The following TRMT1L variants were observed in gnomAD, a reference collection of about 807,000 sequenced individuals.
The protein encoded by TRMT1L is tRNA (guanine(27)-N(2))-dimethyltransferase.
A neutral mutation model predicts 81.6 loss-of-function variants in TRMT1L; 28 were observed. The observed-to-expected ratio is 0.34, with a 90% CI of 0.25 to 0.47. The LOEUF (loss-of-function observed/expected upper bound fraction) is 0.47. TRMT1L is among the 20% of genes least tolerant of loss of function. The pLI, the probability that TRMT1L is intolerant of heterozygous loss-of-function variation, is 1.00. For missense variants in TRMT1L, 739 were observed against 877.1 expected (o/e 0.84, Z 1.99); for synonymous variants, 301 against 303.2 (o/e 0.99, Z 0.07).
At chr1:185,152,509 T>A (rs1653388651) in intron 1 of TRMT1L, among the ~76,000 whole-genome samples, 1 of 152,236 alleles carries the variant, frequency 6.6e-6, no homozygotes, top group African/African-American at 2.4e-5. Context: ...GCAAGTTAGT[T>A]TGAACTTTAT....
Position 185,119,865 on chromosome 1 carries a change from A to T in TRMT1L, c.*154T>A. The T allele has an allele frequency of 2.1e-6, 2 of 938,888 alleles. No homozygotes were observed. Among genetic ancestry groups the T allele is most frequent in the Non-Finnish European group, 3.0e-6 (2 of 665,504 alleles). The allele number at this position is 938,888 out of a possible 1,614,324, so 58.2% of individuals were successfully genotyped here. On this transcript the variant is annotated 3_prime_UTR_variant, in exon 15 of 15. Coordinates refer to ENST00000367506, the MANE Select transcript of TRMT1L (RefSeq NM_030934.5). ...ACTTGGAAAGCAAAGCTCCCAAACC[A>T]GCTAAGTTAGAAACTGCTCAGTTTC...
At chr1:185,151,216 T>G (rs1355361858) in intron 2 of TRMT1L, among the ~76,000 whole-genome samples, 1 of 152,182 alleles carries the variant, frequency 6.6e-6, no homozygotes, top group Non-Finnish European at 1.5e-5. Context: ...CAAGAATCAT[T>G]AATAACTCAT....
chr1:185,142,212 G>GTC (rs1411707094), intron 7 of TRMT1L, among the ~76,000 whole-genome samples: 12 of 152,126 alleles, frequency 7.9e-5, no homozygotes, highest in Non-Finnish European at 7.3e-5. Flanking sequence ...AGTAGCAGTA[G>GTC]TCTCCTCTTT....
chr1:185,156,834 C>T lies in TRMT1L; in HGVS notation c.-122G>A. The T allele has an allele frequency of 1.5e-6, 2 of 1,339,756 alleles. No homozygotes were observed. The highest frequency in any genetic ancestry group is 1.0e-6 in the Non-Finnish European group (1 of 992,690). The allele number at this position is 1,339,756 out of a possible 1,614,324, so 83.0% of individuals were successfully genotyped here. On this transcript the variant is annotated 5_prime_UTR_variant, in exon 1 of 15. Transcript: ENST00000367506. ...GGAGTGGGGAAGCAAGTGGGGAGGG[C>T]GGGATGCGTGCAACAGACAAAAGAT...
At chr1:185,154,672 C>A (rs570442528) in intron 1 of TRMT1L, among the ~76,000 whole-genome samples, 73 of 152,252 alleles carry the variant, frequency 4.8e-4, no homozygotes, top group African/African-American at 1.7e-3. Flanking sequence ...GAGAAAGGAG[C>A]TTGGTTAAGT....
rs1194131367 is a variant in TRMT1L, at chr1:185,119,515, T to C, written c.*504A>G. 6.6e-6 allele frequency: 1 copy of C among 152,168 alleles called. No individual in the cohort carries two copies. Among genetic ancestry groups the C allele is most frequent in the African/African-American group, 2.4e-5 (1 of 41,444 alleles). The allele number at this position is 152,168 out of a possible 1,614,324, so 9.4% of individuals were successfully genotyped here. On this transcript the variant is annotated 3_prime_UTR_variant, in exon 15 of 15. Transcript: ENST00000367506. The stretch of plus-strand genomic sequence containing the variant: ...AGAAGTATGATTTCTTAAAAATGGG[T>C]ACATATTTTAGTTTTTTAATTGTGA...
At position 185,128,738 on chromosome 1, in the gene TRMT1L, T is replaced by C. The variant is rs1652696010; in HGVS notation, c.1523A>G (p.Tyr508Cys). ...KDGNMVEENP[Y>C]RQLPCNCHGS... Reference sequence around the variant, plus strand: ...ATGACAGTTACAAGGCAGCTGTCTATATGGGTTTTCTGTAAAAAGATAATA... The same window carrying C: ...ATGACAGTTACAAGGCAGCTGTCTACATGGGTTTTCTGTAAAAAGATAATA... The change falls in exon 11 of 15, where the codon TAT becomes TGT. Residue 508 changes from tyrosine (Y) to cysteine (C), a missense_variant. Physicochemically the swap from Tyr to Cys is radical, Grantham distance 194 (BLOSUM62 -2). Coordinates refer to ENST00000367506, the MANE Select transcript of TRMT1L (RefSeq NM_030934.5). The C allele has an allele frequency of 1.2e-6, 2 of 1,603,430 alleles. No homozygotes were observed. Among genetic ancestry groups the C allele is most frequent in the Non-Finnish European group, 8.5e-7 (1 of 1,177,520 alleles).
chr1:185,140,494 A>G (rs1017283080), intron 7 of TRMT1L, among the ~76,000 whole-genome samples: 2 of 152,070 alleles, frequency 1.3e-5, no homozygotes, highest in African/African-American at 4.8e-5. Flanking sequence ...TGAATAGTGG[A>G]AAATGTTTTC....
At chr1:185,125,948 A>G (rs1017437567) in intron 11 of TRMT1L, among the ~76,000 whole-genome samples, 2 of 152,144 alleles carry the variant, frequency 1.3e-5, no homozygotes, top group Non-Finnish European at 2.9e-5. Context: ...TATGAGAATT[A>G]TATGTGGTGA....
At chr1:185,127,524 G>A (rs1232920797) in intron 11 of TRMT1L, among the ~76,000 whole-genome samples, 2 of 151,946 alleles carry the variant, frequency 1.3e-5, no homozygotes, top group Admixed American at 6.6e-5. Context: ...TTGGGAGGCC[G>A]AGGCGGGTGG....
chr1:185,130,549 C>T (rs1250916750), intron 10 of TRMT1L, among the ~76,000 whole-genome samples: 1 of 152,068 alleles, frequency 6.6e-6, no homozygotes, highest in Non-Finnish European at 1.5e-5. Context: ...GTTTTGGGAC[C>T]CTGCGACGGC....
chr1:185,123,137 A>G (rs1478456710), intron 13 of TRMT1L, among the ~76,000 whole-genome samples: 1 of 152,212 alleles, frequency 6.6e-6, no homozygotes, highest in African/African-American at 2.4e-5. Context: ...TATTTAAACT[A>G]TATACTATTA....
intron 1 of TRMT1L, among the ~76,000 whole-genome samples, chr1:185,153,766 A>G (rs76377915): frequency 2.0e-5 from 3 of 152,204 alleles, no homozygotes; most frequent in African/African-American, 4.8e-5. Context: ...GGAGAAACTG[A>G]TATGTAAAGA....
Position 185,123,876 on chromosome 1 carries a change from T to C in TRMT1L, c.1803A>G (p.Thr601=). The change falls in exon 13 of 15, where the codon ACA becomes ACG. Residue 601 remains threonine (T), a synonymous_variant. Transcript: ENST00000367506. Reference sequence around the variant, plus strand: ...ACATACCTTGTGCAATGTAATTATCTGTTGTGGTGTCATCTGTAGTTTTAA... The same window carrying C: ...ACATACCTTGTGCAATGTAATTATCCGTTGTGGTGTCATCTGTAGTTTTAA... ...VFIKTTDDTT[T]DNYIAQGKRK... The C allele has an allele frequency of 6.6e-7, 1 of 1,514,366 alleles. No homozygotes were observed. The highest frequency in any genetic ancestry group is 8.8e-7 in the Non-Finnish European group (1 of 1,130,940). The allele number at this position is 1,514,366 out of a possible 1,614,324, so 93.8% of individuals were successfully genotyped here. A position where few individuals can be genotyped will look rare whatever the true frequency, so the allele number is the denominator to read the frequency against.
chr1:185,128,577 A>T, intron 11 of TRMT1L, 92 bp downstream of exon 11: 1 of 1,207,420 alleles, frequency 8.3e-7, no homozygotes. Flanking sequence ...ATTGAATTTA[A>T]ATTTGTCTTT....
chr1:185,118,404 A>G lies in TRMT1L; in HGVS notation c.*1615T>C, dbSNP rs1468749275. ...AATTAGGATCTTTGCATTAAGCCCA[A>G]CTCATCACTGATCAACATATTTCAT... On this transcript the variant is annotated 3_prime_UTR_variant, in exon 15 of 15. Transcript: ENST00000367506. 1 of 152,150 alleles carries G rather than the reference A, an allele frequency of 6.6e-6. No individual in the cohort carries two copies. Among genetic ancestry groups the G allele is most frequent in the African/African-American group, 2.4e-5 (1 of 41,442 alleles). 9.4% of individuals were successfully genotyped at this position (152,150 alleles called of 1,614,324 possible). A position where few individuals can be genotyped will look rare whatever the true frequency, so the allele number is the denominator to read the frequency against.
chr1:185,140,991 A>G (rs527725142), intron 7 of TRMT1L, among the ~76,000 whole-genome samples: 1 of 151,258 alleles, frequency 6.6e-6, no homozygotes. Context: ...AAAAACAACA[A>G]AAACAAAAAC....
chr1:185,149,629 C>T (rs1284584767), intron 3 of TRMT1L, among the ~76,000 whole-genome samples: 1 of 151,890 alleles, frequency 6.6e-6, no homozygotes, highest in Non-Finnish European at 1.5e-5. Flanking sequence ...CTAAGGCACT[C>T]CTAGGAGAGG....
At chr1:185,153,343 T>C (rs1049757854) in intron 1 of TRMT1L, among the ~76,000 whole-genome samples, 1 of 152,136 alleles carries the variant, frequency 6.6e-6, no homozygotes, top group Non-Finnish European at 1.5e-5. Flanking sequence ...TAGTGAGGTA[T>C]GAGAGATGTA....
Sources: allele counts gnomAD v4.1 joint callset (sites outside exome capture counted in the v4.1 genomes callset), GRCh38; gene constraint gnomAD v4.1.1; transcripts MANE v1.5; gene names NCBI Gene and HGNC (gene_info 2026-07-23, HGNC 2026-07-21).